GOT2: variants seen among roughly 807,000 people sequenced by gnomAD.
The protein encoded by GOT2 is aspartate aminotransferase, mitochondrial.
GOT2 carries 17 observed loss-of-function variants against 50.0 expected under a neutral mutation model. That is an observed-to-expected ratio of 0.34 (90% CI 0.23 to 0.51). GOT2 has a LOEUF of 0.51. Ranked by LOEUF, GOT2 falls within the 20% of genes least tolerant of loss-of-function variation. The pLI, the probability that GOT2 is intolerant of heterozygous loss-of-function variation, is 0.97. For synonymous variants in GOT2, 172 were observed against 204.9 expected, an observed-to-expected ratio of 0.84 and a Z score of 1.37; for missense variants, 430 against 559.6, an observed-to-expected ratio of 0.77 and a Z score of 2.34.
chr16:58,715,928 A>AT, intron 8 of GOT2, 86 bp downstream of exon 8: 2 of 1,022,358 alleles, frequency 2.0e-6, no homozygotes, highest in Non-Finnish European at 2.9e-6. Context: ...GGGGTACTGT[A>AT]TATCACTAGA....
At position 58,722,222 on chromosome 16, in the gene GOT2, T is replaced by G; in HGVS notation, c.303A>C (p.Gly101=). The change falls in exon 3 of 10, where the codon GGA becomes GGC. Residue 101 remains glycine, a synonymous_variant. Transcript: ENST00000245206. ...CAGATGCCTTGCAAAATTCAGCCAGTCCCCCAATGGGCAGGTATTCCTTGT... is the reference window on the plus strand; with the variant it reads ...CAGATGCCTTGCAAAATTCAGCCAGGCCCCCAATGGGCAGGTATTCCTTGT... ...NLDKEYLPIG[G]LAEFCKASAE... 1 of 1,612,936 alleles carries G rather than the reference T, an allele frequency of 6.2e-7. No homozygotes were observed. The highest frequency in any genetic ancestry group is 8.5e-7 in the Non-Finnish European group (1 of 1,179,952).
At position 58,707,210 on chromosome 16, in the gene GOT2, T is replaced by C. The variant is rs1053241780; in HGVS notation, c.*961A>G. On this transcript the variant is annotated 3_prime_UTR_variant, in exon 10 of 10. Coordinates refer to ENST00000245206, the MANE Select transcript of GOT2 (RefSeq NM_002080.4). ...ATGGTTAGAGCAGATGGTGGTTCTT[T>C]CCAGTGGGTGAAGCCTGAACCCAGC... 9 of 152,198 alleles carry C rather than the reference T, an allele frequency of 5.9e-5. No individual in the cohort carries two copies. Among genetic ancestry groups the C allele is most frequent in the African/African-American group, 2.2e-4 (9 of 41,432 alleles). 9.4% of individuals were successfully genotyped at this position (152,198 alleles called of 1,614,324 possible). A position where few individuals can be genotyped will look rare whatever the true frequency, so the allele number is the denominator to read the frequency against.
At chr16:58,710,967 C>CAAAA (rs35679170) in intron 8 of GOT2, among the ~76,000 whole-genome samples, 93 of 72,954 alleles carry the variant, frequency 1.3e-3, no homozygotes, top group Non-Finnish European at 1.5e-3. Flanking sequence ...GACTCTGTCT[C>CAAAA]AAAAAAAAAA....
intron 1 of GOT2, among the ~76,000 whole-genome samples, chr16:58,726,400 G>A (rs566369653): frequency 1.3e-5 from 2 of 152,178 alleles, no homozygotes; most frequent in South Asian, 2.1e-4. Context: ...TGGCCAGGCT[G>A]GTCTTGAACT....
intron 8 of GOT2, 107 bp from the exon 9 acceptor site, chr16:58,709,674 T>C (rs561492749): frequency 2.4e-6 from 2 of 842,960 alleles, no homozygotes; most frequent in African/African-American, 1.7e-5. Context: ...TGTGCCTCAA[T>C]TCTCAGGTCA....
intron 1 of GOT2, among the ~76,000 whole-genome samples, chr16:58,725,176 G>A (rs953729625): frequency 5.9e-5 from 9 of 151,498 alleles, no homozygotes; most frequent in Admixed American, 1.3e-4. Context: ...GTGTAGTGGC[G>A]TGATCTTGGC....
Position 58,716,720 on chromosome 16 carries a change from C to G in GOT2, c.796G>C (p.Glu266Gln), listed in dbSNP as rs368352559. The G allele has an allele frequency of 1.2e-6, 2 of 1,613,800 alleles. No homozygotes were observed. The highest frequency in any genetic ancestry group is 4.5e-5 in the East Asian group (2 of 44,892). The change falls in exon 7 of 10, where the codon GAA becomes CAA. Residue 266 changes from glutamate to glutamine, a missense_variant. Coordinates refer to ENST00000245206, the MANE Select transcript of GOT2 (RefSeq NM_002080.4). ...KDAWAVRHFI[E>Q]QGINVCLCQS... is the part of the protein sequence containing the mutation. ...CAGAGGCAAACATTAATGCCCTGTT[C>G]GATGAAGTGGCGCACAGCCCAGGCA...
At chr16:58,728,690 C>CT (rs2044807182) in intron 1 of GOT2, among the ~76,000 whole-genome samples, 2 of 151,774 alleles carry the variant, frequency 1.3e-5, no homozygotes, top group South Asian at 4.2e-4. Context: ...TTCTGCTTTT[C>CT]TTTTTTTTGA....
At chr16:58,722,896 A>C (rs978548079) in intron 2 of GOT2, among the ~76,000 whole-genome samples, 1 of 152,232 alleles carries the variant, frequency 6.6e-6, no homozygotes, top group Non-Finnish European at 1.5e-5. Flanking sequence ...AAATAGATAT[A>C]AGATGATTAA....
At chr16:58,716,533 G>A in intron 7 of GOT2, 130 bp downstream of exon 7, 1 of 741,724 alleles carries the variant, frequency 1.3e-6, no homozygotes, top group Non-Finnish European at 2.2e-6. Flanking sequence ...TTCATCTTAG[G>A]GTAGGGAGGG....
intron 3 of GOT2, 57 bp from the exon 4 acceptor site, chr16:58,719,312 C>A: frequency 8.6e-7 from 1 of 1,157,258 alleles, no homozygotes; most frequent in Non-Finnish European, 1.3e-6. Flanking sequence ...CAGGCCCAGA[C>A]CCAGGGCCAC....
chr16:58,710,743 G>GTGGCAGCGGGT (rs1567484876), intron 8 of GOT2, among the ~76,000 whole-genome samples: 4 of 59,354 alleles, frequency 6.7e-5, no homozygotes, highest in Non-Finnish European at 9.6e-5. Flanking sequence ...TTAGCCGGGC[G>GTGGCAGCGGGT]GATCACGAGG....
At chr16:58,710,386 AT>A (rs1186948705) in intron 8 of GOT2, among the ~76,000 whole-genome samples, 1 of 145,954 alleles carries the variant, frequency 6.9e-6, no homozygotes, top group African/African-American at 2.5e-5. Flanking sequence ...TGCCTTGCTA[AT>A]TTTCTTTTCT....
chr16:58,726,344 C>T (rs1053643610), intron 1 of GOT2, among the ~76,000 whole-genome samples: 7 of 152,062 alleles, frequency 4.6e-5, no homozygotes, highest in African/African-American at 7.2e-5. Context: ...TGCCACCATG[C>T]GCAGCTAATT....
chr16:58,718,563 G>T lies in GOT2; in HGVS notation c.561C>A (p.Cys187Ter). ...QGYRYYDPKT[C>*]GFDFTGAVED... is the part of the protein sequence containing the mutation. ...CCACAGCGCCTGTGAAGTCAAAACCGCAAGTCTTGGGGTCATAATACCGAT... is the reference window on the plus strand; with the variant it reads ...CCACAGCGCCTGTGAAGTCAAAACCTCAAGTCTTGGGGTCATAATACCGAT... The change falls in exon 5 of 10, where the codon TGC becomes TGA. Residue 187 changes from cysteine to a stop codon, truncating the protein, a stop_gained. Transcript: ENST00000245206. LOFTEE classifies it high-confidence loss of function. The T allele has an allele frequency of 6.3e-7, 1 of 1,597,118 alleles. No homozygotes were observed. Among genetic ancestry groups the T allele is most frequent in the Non-Finnish European group, 8.5e-7 (1 of 1,172,220 alleles).
chr16:58,724,822 T>C (rs2044770000), intron 1 of GOT2, among the ~76,000 whole-genome samples: 1 of 152,210 alleles, frequency 6.6e-6, no homozygotes, highest in Non-Finnish European at 1.5e-5. Flanking sequence ...ATTACAGGCA[T>C]GAGCCACCAT....
chr16:58,732,686 A>G (rs2044844775), intron 1 of GOT2, among the ~76,000 whole-genome samples: 2 of 152,230 alleles, frequency 1.3e-5, no homozygotes, highest in African/African-American at 4.8e-5. Flanking sequence ...CAGACTCTCA[A>G]ACTGAAAGAA....
Position 58,719,176 on chromosome 16 carries a change from G to C in GOT2, c.435+20C>G. 1 of 1,581,780 alleles carries C rather than the reference G, an allele frequency of 6.3e-7. No homozygotes were observed. ...CATCTGGAATTTATAATTCTTTCCT[G>C]AAGAAGCTTCCAGACTCACCAGAAA... On this transcript the variant is annotated intron_variant, in intron 4 of 9. Transcript: ENST00000245206.
At chr16:58,730,391 A>ATT (rs11439864) in intron 1 of GOT2, among the ~76,000 whole-genome samples, 54 of 149,786 alleles carry the variant, frequency 3.6e-4, no homozygotes, top group African/African-American at 8.1e-4. Flanking sequence ...GAGGGATACA[A>ATT]TTTTTTTTTT....
Sources: gnomAD v4.1 joint callset for allele counts (sites outside exome capture counted in the v4.1 genomes callset) on GRCh38, gnomAD v4.1.1 for gene constraint, MANE v1.5 for transcripts, NCBI Gene and HGNC (gene_info 2026-07-23, HGNC 2026-07-21) for gene names.